Variants in TAF1 observed in about 807,000 individuals in gnomAD.
TAF1 encodes transcription initiation factor TFIID subunit 1.
TAF1 carries 2 observed loss-of-function variants against 138.5 expected under a neutral mutation model. The ratio of observed to expected loss-of-function variants is 0.01; its 90% CI spans 0.01 to 0.05. The LOEUF (loss-of-function observed/expected upper bound fraction) is 0.05, where lower values mean the gene tolerates loss of function less well. Ranked by LOEUF, TAF1 falls within the 10% of genes least tolerant of loss-of-function variation. TAF1 has a pLI of 1.00. For synonymous variants in TAF1, 437 were observed against 503.2 expected (o/e 0.87, Z 1.76); for missense variants, 709 against 1,478.0 (o/e 0.48, Z 8.53).
intron 22 of TAF1, among the ~76,000 whole-genome samples, chrX:71,396,711 G>GT (rs764174509): frequency 4.7e-4 from 52 of 111,615 alleles, no homozygotes; most frequent in African/African-American, 1.6e-3. Context: ...GTTCTTTGAG[G>GT]TTTTTTCAGA....
At chrX:71,453,346 G>C (rs764175434) in intron 32 of TAF1, among the ~76,000 whole-genome samples, 1 of 108,656 alleles carries the variant, frequency 9.2e-6, no homozygotes, top group African/African-American at 3.4e-5. Flanking sequence ...ATCTCTTTAG[G>C]CCAGGAGTTC....
intron 32 of TAF1, among the ~76,000 whole-genome samples, chrX:71,426,870 G>A (rs749970982): frequency 8.9e-6 from 1 of 111,959 alleles, no homozygotes; most frequent in South Asian, 3.7e-4. Flanking sequence ...AAACATTGAA[G>A]GAATGAAGCA....
intron 36 of TAF1, among the ~76,000 whole-genome samples, chrX:71,460,091 A>T (rs1321109718): frequency 9.0e-6 from 1 of 111,452 alleles, no homozygotes. Flanking sequence ...GTAAATAAAT[A>T]AAAATTAGCT....
chrX:71,390,173 G>A lies in TAF1; in HGVS notation c.2781+508G>A, dbSNP rs762307906. 5.3e-4 allele frequency among the ~76,000 whole-genome samples: 59 copies of A among 111,950 alleles called. 1 individual carries two copies. The highest frequency in any genetic ancestry group is 9.4e-4 in the Non-Finnish European group (50 of 53,172). ...TTACAGGCATGAGTCACTGCACCTG[G>A]CAGGATTTTCATTTCTTCTAGAAAA... On this transcript the variant is annotated intron_variant, in intron 18 of 37. Transcript: ENST00000423759.
At chrX:71,507,971 AGAGT>A (rs2039658854) in intron 13 of TAF1, among the ~76,000 whole-genome samples, 1 of 108,617 alleles carries the variant, frequency 9.2e-6, no homozygotes, top group Admixed American at 1.0e-4. Flanking sequence ...CCTGGGTGAC[AGAGT>A]GAGACTGTGT....
chrX:71,520,518 C>A (rs1369632795), intron 13 of TAF1, among the ~76,000 whole-genome samples: 1 of 93,286 alleles, frequency 1.1e-5, no homozygotes, highest in African/African-American at 3.9e-5. Flanking sequence ...CCCGTCTCTA[C>A]TAAAAATACA....
intron 13 of TAF1, among the ~76,000 whole-genome samples, chrX:71,502,028 A>G (rs1184167431): frequency 9.0e-6 from 1 of 111,188 alleles, no homozygotes; most frequent in Non-Finnish European, 1.9e-5. Flanking sequence ...GGACCCAAAG[A>G]GTAAGCAGCA....
At chrX:71,454,404 G>A (rs1481334406) in intron 33 of TAF1, among the ~76,000 whole-genome samples, 167 bp downstream of exon 33, 1 of 111,244 alleles carries the variant, frequency 9.0e-6, no homozygotes, top group Non-Finnish European at 1.9e-5. Context: ...GGTCAAGGCT[G>A]CAGTGAGTCA....
intron 32 of TAF1, among the ~76,000 whole-genome samples, chrX:71,424,703 A>G (rs2036516611): frequency 9.0e-6 from 1 of 111,521 alleles, no homozygotes; most frequent in Non-Finnish European, 1.9e-5. Flanking sequence ...GCTCACTGCA[A>G]CCTCCACCTC....
chrX:71,371,568 A>G (rs941674407), intron 3 of TAF1, among the ~76,000 whole-genome samples: 25 of 112,213 alleles, frequency 2.2e-4, no homozygotes, highest in African/African-American at 8.1e-4. Context: ...CCAAATAGCA[A>G]GAACCAAGGA....
At chrX:71,503,041 C>T (rs757896567) in intron 13 of TAF1, among the ~76,000 whole-genome samples, 49 of 109,528 alleles carry the variant, frequency 4.5e-4, no homozygotes, top group Admixed American at 6.9e-4. Flanking sequence ...GAGGCTGAGG[C>T]AGGTGGATCA....
intron 32 of TAF1, chrX:71,441,558 G>A (rs2037422904): frequency 9.8e-6 from 2 of 203,724 alleles, no homozygotes; most frequent in Non-Finnish European, 1.8e-5. Context: ...TCATTTTTTT[G>A]TGTTGAGAAT....
At chrX:71,386,996 T>C (rs2034270636) in intron 14 of TAF1, 1 of 337,699 alleles carries the variant, frequency 3.0e-6, no homozygotes. Flanking sequence ...TAAATAGACA[T>C]GTTAAATCAT....
intron 15 of TAF1, 42 bp from the exon 16 acceptor site, chrX:71,388,195 C>A (rs2034356777): frequency 8.3e-7 from 1 of 1,203,143 alleles, no homozygotes; most frequent in African/African-American, 1.8e-5. Context: ...GGACTTTTAT[C>A]CTTTTCTTTG....
chrX:71,406,792 A>G (rs1164785293), intron 26 of TAF1, 46 bp downstream of exon 26: 10 of 1,083,618 alleles, frequency 9.2e-6, no homozygotes, highest in Admixed American at 2.2e-5. Context: ...GTTATCATTG[A>G]TTCCCCAGCC....
intron 28 of TAF1, among the ~76,000 whole-genome samples, chrX:71,415,144 TTTTTTTTTTTTTTG>T (rs2035975318): frequency 1.4e-5 from 1 of 73,232 alleles, no homozygotes; most frequent in Non-Finnish European, 2.7e-5. Flanking sequence ...TTTTTTTTTT[TTTTTTTTTTTTTTG>T]GCAGAGTCTT....
intron 33 of TAF1, 58 bp downstream of exon 33, chrX:71,454,295 CAA>C (rs1458061426): frequency 4.2e-5 from 45 of 1,066,711 alleles, no homozygotes; most frequent in Non-Finnish European, 4.9e-5. Context: ...CCCATCTTTA[CAA>C]AAAAAGATTT....
intron 4 of TAF1, 140 bp from the exon 5 acceptor site, chrX:71,376,810 A>G: frequency 1.2e-6 from 1 of 857,994 alleles, no homozygotes; most frequent in South Asian, 2.6e-5. Context: ...TCTGGGTTGC[A>G]TACTAGTATT....
chrX:71,380,924 C>G (rs1376317814), intron 8 of TAF1, among the ~76,000 whole-genome samples: 3 of 111,880 alleles, frequency 2.7e-5, no homozygotes, highest in Admixed American at 9.5e-5. Flanking sequence ...CTCCTGACCT[C>G]AAGTGATCTG....
Sources: gnomAD v4.1 joint callset for allele counts (sites outside exome capture counted in the v4.1 genomes callset) on GRCh38, gnomAD v4.1.1 for gene constraint, MANE v1.5 for transcripts, NCBI Gene and HGNC (gene_info 2026-07-23, HGNC 2026-07-21) for gene names.